SH3D19: variants seen among roughly 807,000 people sequenced by gnomAD.
SH3D19 encodes SH3 domain containing 19.
Under a neutral mutation model 112.1 loss-of-function variants are expected in SH3D19, and 58 were observed. The ratio of observed to expected loss-of-function variants is 0.52; its 90% confidence interval spans 0.42 to 0.64. The LOEUF is 0.64. Among genes scored for constraint, SH3D19 ranks in the 30% least tolerant of loss-of-function variants. The pLI, the probability that SH3D19 is intolerant of heterozygous loss-of-function variation, is 0.00. For missense variants in SH3D19, 1,090 were observed against 1,263.4 expected, an observed-to-expected ratio of 0.86 and a Z score of 2.08; for synonymous variants, 391 against 448.5, an observed-to-expected ratio of 0.87 and a Z score of 1.62.
At chr4:151,124,217 C>T (rs907096544) in intron 19 of SH3D19, among the ~76,000 whole-genome samples, 5 of 151,992 alleles carry the variant, frequency 3.3e-5, no homozygotes, top group Non-Finnish European at 5.9e-5. Context: ...AGAGATTCTC[C>T]TGCCTCAGCC....
At chr4:151,188,586 C>T (rs925788807) in intron 2 of SH3D19, among the ~76,000 whole-genome samples, 13 of 152,128 alleles carry the variant, frequency 8.5e-5, no homozygotes, top group Admixed American at 5.2e-4. Context: ...TTCTGGATTT[C>T]GGATTAGGGA....
intron 9 of SH3D19, among the ~76,000 whole-genome samples, chr4:151,158,065 C>T (rs1399333491): frequency 6.6e-6 from 1 of 151,970 alleles, no homozygotes; most frequent in Non-Finnish European, 1.5e-5. Flanking sequence ...TATATAGCTT[C>T]AAATAGCTGG....
At chr4:151,208,804 A>G (rs1291226012) in intron 2 of SH3D19, among the ~76,000 whole-genome samples, 1 of 151,718 alleles carries the variant, frequency 6.6e-6, no homozygotes, top group African/African-American at 2.4e-5. Context: ...TAGCCTCCCG[A>G]GTAGCTGGGA....
At chr4:151,302,315 T>A (rs1007296825) in intron 1 of SH3D19, among the ~76,000 whole-genome samples, 1 of 152,164 alleles carries the variant, frequency 6.6e-6, no homozygotes, top group Non-Finnish European at 1.5e-5. Context: ...GCTCTAGAGG[T>A]TGTTTGTAAT....
At chr4:151,283,837 A>C (rs1774485954) in intron 1 of SH3D19, among the ~76,000 whole-genome samples, 1 of 152,142 alleles carries the variant, frequency 6.6e-6, no homozygotes, top group Non-Finnish European at 1.5e-5. Flanking sequence ...TTGAAGCAGA[A>C]TTGCCAACTT....
intron 3 of SH3D19, among the ~76,000 whole-genome samples, chr4:151,184,903 T>G (rs1228994866): frequency 2.6e-5 from 4 of 152,156 alleles, no homozygotes; most frequent in Admixed American, 2.6e-4. Flanking sequence ...GGGTCTCAAT[T>G]GACCTCCTAA....
chr4:151,134,872 G>A (rs1248047162), intron 15 of SH3D19, among the ~76,000 whole-genome samples: 5 of 152,120 alleles, frequency 3.3e-5, no homozygotes, highest in Admixed American at 2.0e-4. Flanking sequence ...ATAAATAATA[G>A]AGATGGGTTC....
At chr4:151,178,401 C>T (rs570356846) in intron 4 of SH3D19, among the ~76,000 whole-genome samples, 6 of 152,336 alleles carry the variant, frequency 3.9e-5, no homozygotes, top group African/African-American at 1.2e-4. Context: ...ATGCATTACA[C>T]ACATACTCAT....
At chr4:151,230,453 A>G (rs1033907514) in intron 1 of SH3D19, among the ~76,000 whole-genome samples, 2 of 152,160 alleles carry the variant, frequency 1.3e-5, no homozygotes, top group Non-Finnish European at 2.9e-5. Flanking sequence ...ATCAAACCCC[A>G]TTGGGTAGGG....
At chr4:151,149,263 T>C (rs1037928044) in intron 10 of SH3D19, among the ~76,000 whole-genome samples, 5 of 152,184 alleles carry the variant, frequency 3.3e-5, no homozygotes, top group Non-Finnish European at 7.3e-5. Context: ...AAATGAGTCT[T>C]GTTCATTTAT....
rs1579965656 is a variant in SH3D19 at position 151,175,190 on chromosome 4, T to G, written c.1014A>C (p.Lys338Asn). The change falls in exon 7 of 20, where the codon AAA (lysine) becomes AAC (asparagine). Residue 338 changes from lysine to asparagine, a missense_variant. Transcript: ENST00000604030. ...CTCCAGAAGCTCTGTTAGCAGCTGG[T>G]TTGGGAGCTACAGAAGGTTTCCCTG... Reference protein sequence around the residue: ...VSSGKPSVAPKPAANRASGEW... With the variant: ...VSSGKPSVAPNPAANRASGEW... The G allele has an allele frequency of 6.2e-7, 1 of 1,614,026 alleles. No individual in the cohort carries two copies. Among genetic ancestry groups the G allele is most frequent in the Non-Finnish European group, 8.5e-7 (1 of 1,179,978 alleles).
At chr4:151,302,896 A>T (rs1310680078) in intron 1 of SH3D19, among the ~76,000 whole-genome samples, 2 of 152,176 alleles carry the variant, frequency 1.3e-5, no homozygotes, top group African/African-American at 4.8e-5. Context: ...GAGGGATAGC[A>T]TTAGGAGATA....
intron 1 of SH3D19, among the ~76,000 whole-genome samples, chr4:151,281,126 C>T (rs1398479635): frequency 1.6e-5 from 1 of 63,930 alleles, no homozygotes; most frequent in Non-Finnish European, 4.7e-5. Flanking sequence ...GGCTGTGCAG[C>T]AGCCCAGATT....
intron 2 of SH3D19, among the ~76,000 whole-genome samples, chr4:151,222,013 G>A (rs1768137551): frequency 1.3e-5 from 2 of 152,232 alleles, no homozygotes; most frequent in Non-Finnish European, 2.9e-5. Context: ...GAGCCATCTA[G>A]AATAATGACT....
intron 7 of SH3D19, among the ~76,000 whole-genome samples, chr4:151,169,035 A>T (rs1758589471): frequency 1.3e-5 from 2 of 152,134 alleles, no homozygotes; most frequent in Admixed American, 6.5e-5. Context: ...TTGCTGTGGG[A>T]AGAATGGCCT....
intron 7 of SH3D19, among the ~76,000 whole-genome samples, chr4:151,171,877 C>G (rs539510858): frequency 3.3e-5 from 5 of 152,190 alleles, no homozygotes; most frequent in African/African-American, 1.2e-4. Flanking sequence ...CTTCTGGGCT[C>G]CATTACATTA....
At chr4:151,124,726 A>G (rs1436019459) in intron 19 of SH3D19, among the ~76,000 whole-genome samples, 1 of 152,112 alleles carries the variant, frequency 6.6e-6, no homozygotes, top group Non-Finnish European at 1.5e-5. Flanking sequence ...CTTCTCTAAA[A>G]AAAAAAAAAT....
intron 1 of SH3D19, chr4:151,291,134 C>T: frequency 1.2e-6 from 2 of 1,612,072 alleles, no homozygotes; most frequent in Non-Finnish European, 1.7e-6. Flanking sequence ...TCTGGAGGGC[C>T]TCTGTCGTGT....
chr4:151,237,380 A>C (rs1173890927), intron 1 of SH3D19, among the ~76,000 whole-genome samples: 1 of 152,242 alleles, frequency 6.6e-6, no homozygotes, highest in African/African-American at 2.4e-5. Flanking sequence ...TACATCTCAG[A>C]ATAACAGCTT....
Sources: allele counts gnomAD v4.1 joint callset (sites outside exome capture counted in the v4.1 genomes callset), GRCh38; gene constraint gnomAD v4.1.1; transcripts MANE v1.5; gene names NCBI Gene and HGNC (gene_info 2026-07-23, HGNC 2026-07-21).